Variants in MIS18A observed in about 807,000 individuals in gnomAD.
MIS18A encodes MIS18 kinetochore protein A.
MIS18A carries 14 observed loss-of-function variants against 25.0 expected under a neutral mutation model. The ratio of observed to expected loss-of-function variants is 0.56; its 90% confidence interval spans 0.37 to 0.88. The LOEUF (loss-of-function observed/expected upper bound fraction) is 0.88. MIS18A is among the 40% of genes least tolerant of loss of function. MIS18A has a pLI of 0.00. For missense variants in MIS18A, 292 were observed against 290.8 expected (o/e 1.00, Z -0.03); for synonymous variants, 134 against 118.6 (o/e 1.13, Z -0.84).
the MIS18A span, among the ~76,000 whole-genome samples, chr21:32,163,132 C>A: frequency 6.6e-6 from 1 of 152,202 alleles, no homozygotes; most frequent in Non-Finnish European, 1.5e-5. Flanking sequence ...AATCCCCTTT[C>A]GCTTTTGCTG....
the MIS18A span, among the ~76,000 whole-genome samples, chr21:32,203,279 A>G: frequency 6.6e-6 from 1 of 152,082 alleles, no homozygotes; most frequent in Non-Finnish European, 1.5e-5. Flanking sequence ...ATTATTATCT[A>G]AAGAAATGCA....
chr21:32,259,750 T>C, the MIS18A span: 1 of 152,236 alleles, frequency 6.6e-6, no homozygotes, highest in African/African-American at 2.4e-5. Flanking sequence ...TTGTTTCCAG[T>C]GTCAGAGTGG....
At chr21:32,160,320 A>G in the MIS18A span, among the ~76,000 whole-genome samples, 1 of 150,472 alleles carries the variant, frequency 6.6e-6, no homozygotes, top group Non-Finnish European at 1.5e-5. Flanking sequence ...ACACACACAC[A>G]CACACACACA....
At chr21:32,257,089 C>T in the MIS18A span, among the ~76,000 whole-genome samples, 1 of 152,134 alleles carries the variant, frequency 6.6e-6, no homozygotes, top group Non-Finnish European at 1.5e-5. Flanking sequence ...GGACTTGGCT[C>T]GCCTGCTCTA....
At chr21:32,255,522 C>T in the MIS18A span, among the ~76,000 whole-genome samples, 29 of 150,576 alleles carry the variant, frequency 1.9e-4, no homozygotes, top group Admixed American at 3.3e-4. Context: ...CGTGAGCCAC[C>T]GCGCTTGGCA....
chr21:32,264,608 T>C (rs919568050), downstream of MIS18A, among the ~76,000 whole-genome samples: 3 of 152,188 alleles, frequency 2.0e-5, no homozygotes, highest in African/African-American at 2.4e-5. Context: ...CCTGATCACA[T>C]GGCTAATAAA....
chr21:32,182,152 C>G, the MIS18A span, among the ~76,000 whole-genome samples: 4 of 152,198 alleles, frequency 2.6e-5, no homozygotes, highest in Non-Finnish European at 4.4e-5. Flanking sequence ...GGACTGGCAT[C>G]TTATCCATCA....
At chr21:32,174,666 C>T in the MIS18A span, among the ~76,000 whole-genome samples, 2 of 152,128 alleles carry the variant, frequency 1.3e-5, no homozygotes, top group South Asian at 2.1e-4. Context: ...AACAAATCCA[C>T]AATCACAGTA....
chr21:32,259,229 G>A, the MIS18A span, among the ~76,000 whole-genome samples: 8 of 152,246 alleles, frequency 5.3e-5, no homozygotes, highest in Non-Finnish European at 1.2e-4. Context: ...GTGGCCAGGG[G>A]CTCGAGGGAA....
At chr21:32,176,352 T>C in the MIS18A span, among the ~76,000 whole-genome samples, 2 of 152,192 alleles carry the variant, frequency 1.3e-5, no homozygotes, top group Non-Finnish European at 2.9e-5. Flanking sequence ...CACTAGGTGA[T>C]AGGGTTTTTT....
At chr21:32,242,034 A>G in the MIS18A span, among the ~76,000 whole-genome samples, 1 of 152,036 alleles carries the variant, frequency 6.6e-6, no homozygotes, top group African/African-American at 2.4e-5. Context: ...GCCCGCCACC[A>G]CGCCCGGCTA....
At chr21:32,223,949 C>A in the MIS18A span, among the ~76,000 whole-genome samples, 1 of 152,174 alleles carries the variant, frequency 6.6e-6, no homozygotes, top group Non-Finnish European at 1.5e-5. Context: ...TGGCTTCATC[C>A]CTCGGATGCA....
intron 1 of MIS18A, among the ~76,000 whole-genome samples, chr21:32,277,392 T>C (rs2031834471): frequency 6.6e-6 from 1 of 152,200 alleles, no homozygotes; most frequent in Admixed American, 6.5e-5. Flanking sequence ...CTTAAAAACA[T>C]GTAAACAAGG....
intron 2 of MIS18A, among the ~76,000 whole-genome samples, chr21:32,274,593 A>C (rs898875053): frequency 1.3e-5 from 2 of 152,190 alleles, no homozygotes; most frequent in Non-Finnish European, 2.9e-5. Context: ...TTAGAAATCT[A>C]GAAACTCTAA....
chr21:32,156,488 T>G, the MIS18A span: 1 of 151,386 alleles, frequency 6.6e-6, no homozygotes, highest in East Asian at 1.9e-4. Context: ...TTTACATGTC[T>G]TCAGTTTTAT....
At chr21:32,183,456 A>G in the MIS18A span, among the ~76,000 whole-genome samples, 1 of 152,230 alleles carries the variant, frequency 6.6e-6, no homozygotes, top group Non-Finnish European at 1.5e-5. Context: ...ATATACAATA[A>G]GTATAATATG....
the MIS18A span, among the ~76,000 whole-genome samples, chr21:32,235,750 C>T: frequency 6.6e-6 from 1 of 152,162 alleles, no homozygotes; most frequent in Non-Finnish European, 1.5e-5. Flanking sequence ...TTGAGACCTG[C>T]CCACCATCAT....
chr21:32,224,481 G>A, the MIS18A span, among the ~76,000 whole-genome samples: 3 of 150,286 alleles, frequency 2.0e-5, no homozygotes, highest in African/African-American at 7.3e-5. Context: ...TTATACACCA[G>A]CAACAGACAA....
chr21:32,209,440 C>A, the MIS18A span, among the ~76,000 whole-genome samples: 1 of 152,186 alleles, frequency 6.6e-6, no homozygotes, highest in East Asian at 1.9e-4. Context: ...AGGGTTTCCA[C>A]AAGCCCAAAT....
Sources: gnomAD v4.1 joint callset for allele counts (sites outside exome capture counted in the v4.1 genomes callset) on GRCh38, gnomAD v4.1.1 for gene constraint, MANE v1.5 for transcripts, NCBI Gene and HGNC (gene_info 2026-07-23, HGNC 2026-07-21) for gene names.